The following MCTP1 variants were observed in gnomAD, a reference collection of about 807,000 sequenced individuals.
The protein encoded by MCTP1 is multiple C2 and transmembrane domain-containing protein 1.
Under a neutral mutation model 120.6 loss-of-function variants are expected in MCTP1, and 69 were observed. The ratio of observed to expected loss-of-function variants is 0.57; its 90% CI spans 0.47 to 0.70. MCTP1 has a LOEUF of 0.70. Among genes scored for constraint, MCTP1 ranks in the 30% least tolerant of loss-of-function variants. The probability of loss-of-function intolerance (pLI) is 0.00; values close to 1 mark genes in which losing one functional copy is unlikely to be tolerated. For missense variants in MCTP1, 1,203 were observed against 1,248.8 expected (o/e 0.96, Z 0.55); for synonymous variants, 529 against 493.1 (o/e 1.07, Z -0.96).
chr5:94,825,164 C>G (rs1786683928), intron 17 of MCTP1, among the ~76,000 whole-genome samples: 1 of 152,038 alleles, frequency 6.6e-6, no homozygotes, highest in South Asian at 2.1e-4. Context: ...CCATTTTCTC[C>G]TGTGGGCATT....
At chr5:95,012,359 C>T (rs1836174524) in intron 2 of MCTP1, among the ~76,000 whole-genome samples, 1 of 152,094 alleles carries the variant, frequency 6.6e-6, no homozygotes, top group African/African-American at 2.4e-5. Context: ...AATCAATAAT[C>T]ATGGCCTGGA....
intron 12 of MCTP1, among the ~76,000 whole-genome samples, chr5:94,874,147 A>T (rs763507294): frequency 9.2e-5 from 14 of 152,104 alleles, no homozygotes; most frequent in Non-Finnish European, 1.9e-4. Flanking sequence ...AGCTGTCCAG[A>T]GGTCATATCT....
intron 5 of MCTP1, among the ~76,000 whole-genome samples, chr5:94,938,167 C>T (rs997896658): frequency 1.3e-5 from 2 of 152,002 alleles, no homozygotes; most frequent in Non-Finnish European, 2.9e-5. Flanking sequence ...TACAATGCAG[C>T]CACAGAGGTA....
intron 17 of MCTP1, among the ~76,000 whole-genome samples, chr5:94,866,839 T>C (rs1045210767): frequency 1.6e-5 from 2 of 122,088 alleles, no homozygotes; most frequent in African/African-American, 6.6e-5. Flanking sequence ...GTCAGAAGTT[T>C]ATGAAGACTT....
At chr5:95,242,507 G>T (rs1161179188) in intron 1 of MCTP1, among the ~76,000 whole-genome samples, 1 of 152,080 alleles carries the variant, frequency 6.6e-6, no homozygotes, top group East Asian at 1.9e-4. Flanking sequence ...TCCATTAACA[G>T]GTGAATGCAT....
At chr5:94,732,152 A>G (rs1763235334) in intron 19 of MCTP1, among the ~76,000 whole-genome samples, 1 of 152,224 alleles carries the variant, frequency 6.6e-6, no homozygotes, top group Non-Finnish European at 1.5e-5. Flanking sequence ...CAAAGGATTC[A>G]TTGACAGGCA....
At chr5:95,175,804 T>C (rs1562209705) in intron 1 of MCTP1, among the ~76,000 whole-genome samples, 1 of 152,198 alleles carries the variant, frequency 6.6e-6, no homozygotes, top group Non-Finnish European at 1.5e-5. Context: ...AGGATGTTGC[T>C]GGCCTCCAGC....
intron 1 of MCTP1, among the ~76,000 whole-genome samples, chr5:95,140,033 C>T (rs1429193215): frequency 1.3e-5 from 2 of 152,316 alleles, no homozygotes; most frequent in Non-Finnish European, 2.9e-5. Flanking sequence ...TCATCCAAAG[C>T]TAAACCCACT....
At chr5:94,953,998 A>G (rs536344986) in intron 2 of MCTP1, among the ~76,000 whole-genome samples, 14 of 57,068 alleles carry the variant, frequency 2.5e-4, no homozygotes, top group East Asian at 6.4e-4. Context: ...AAATATATAT[A>G]TGCATATATA....
At position 95,084,677 on chromosome 5, in the gene MCTP1, G is replaced by T. The variant is rs150120651; in HGVS notation, c.721-67193C>A. 2.3e-3 allele frequency among the ~76,000 whole-genome samples: 355 copies of T among 152,150 alleles called. 1 individual carries two copies. The highest frequency in any genetic ancestry group is 0.01 in the East Asian group (53 of 5,184). On this transcript the variant is annotated intron_variant, in intron 1 of 22. Coordinates refer to ENST00000515393, the MANE Select transcript of MCTP1 (RefSeq NM_024717.7). ...TTTACATTAATTTAGTCTTGGATCA[G>T]AGTAAACAAACTTGTTTATTAACAT...
At chr5:94,760,670 C>G (rs1165119588) in intron 19 of MCTP1, among the ~76,000 whole-genome samples, 6 of 151,356 alleles carry the variant, frequency 4.0e-5, no homozygotes, top group Admixed American at 4.0e-4. Context: ...ACTGAGCTAC[C>G]TACAGTTTCT....
At chr5:94,981,393 T>C (rs917862547) in intron 2 of MCTP1, among the ~76,000 whole-genome samples, 1 of 152,218 alleles carries the variant, frequency 6.6e-6, no homozygotes, top group Non-Finnish European at 1.5e-5. Flanking sequence ...AGATTTGTGC[T>C]AGCTCTCAGA....
chr5:95,181,247 G>A (rs1748563080), intron 1 of MCTP1, among the ~76,000 whole-genome samples: 2 of 152,054 alleles, frequency 1.3e-5, no homozygotes, highest in Non-Finnish European at 2.9e-5. Context: ...AGCCTACAAG[G>A]GCTCCTGTGA....
At chr5:94,753,856 A>G (rs934846072) in intron 19 of MCTP1, among the ~76,000 whole-genome samples, 5 of 152,178 alleles carry the variant, frequency 3.3e-5, no homozygotes, top group Admixed American at 2.6e-4. Flanking sequence ...TTGCCAGTGC[A>G]TGGGGTGGAA....
intron 18 of MCTP1, among the ~76,000 whole-genome samples, chr5:94,785,695 C>T (rs952379174): frequency 5.9e-5 from 9 of 152,112 alleles, no homozygotes; most frequent in African/African-American, 2.2e-4. Flanking sequence ...AGAACCTCAA[C>T]TTTGTAACAA....
At position 94,930,624 on chromosome 5, in the gene MCTP1, T is replaced by G. The variant is rs560670326; in HGVS notation, c.1212+1329A>C. On this transcript the variant is annotated intron_variant, in intron 6 of 22. Transcript: ENST00000515393. ...TATACAATAGAATGGATTATTCCCA[T>G]TAATTAATACTAAGTATTATATAAT... 6 of 151,290 alleles carry G rather than the reference T, an allele frequency of 4.0e-5. No homozygotes were observed. The South Asian group carries it at 1.3e-3, about 32-fold the overall frequency. The allele number at this position is 151,290 out of a possible 1,614,324, so 9.4% of individuals were successfully genotyped here. A position where few individuals can be genotyped will look rare whatever the true frequency, so the allele number is the denominator to read the frequency against.
intron 17 of MCTP1, among the ~76,000 whole-genome samples, chr5:94,812,019 G>T (rs1252068151): frequency 1.3e-5 from 2 of 152,024 alleles, no homozygotes; most frequent in Admixed American, 1.3e-4. Context: ...TGAGCCACAC[G>T]GTACTGATGT....
In MCTP1 at chr5:94,745,337, A is replaced by G. The variant is rs186367129; in HGVS notation, c.2611-30451T>C. Among the ~76,000 whole-genome samples, 822 of 152,330 alleles carry G rather than the reference A, an allele frequency of 5.4e-3. 6 individuals carry two copies. The highest frequency in any genetic ancestry group is 0.018 in the African/African-American group (748 of 41,572). Reference sequence around the variant, plus strand: ...TGGTGCAAGATGTGAGGAGGGATAAAGGAGCTGCACTGGCTTTCCTGTTCT... The same window carrying G: ...TGGTGCAAGATGTGAGGAGGGATAAGGGAGCTGCACTGGCTTTCCTGTTCT... On this transcript the variant is annotated intron_variant, in intron 19 of 22. Transcript: ENST00000515393.
At position 94,918,952 on chromosome 5, in the gene MCTP1, A is replaced by G. The variant is rs80205632; in HGVS notation, c.1273-979T>C. 2.3e-3 allele frequency among the ~76,000 whole-genome samples: 354 copies of G among 152,336 alleles called. 1 individual carries two copies. The highest frequency in any genetic ancestry group is 8.2e-3 in the African/African-American group (340 of 41,586). ...TGGCAAGGCTGAGATTTGAATCTAG[A>G]GTTGCTGAGACCTAATCAATGATTT... On this transcript the variant is annotated intron_variant, in intron 7 of 22. Coordinates refer to ENST00000515393, the MANE Select transcript of MCTP1 (RefSeq NM_024717.7).
Sources: gnomAD v4.1 joint callset for allele counts (sites outside exome capture counted in the v4.1 genomes callset) on GRCh38, gnomAD v4.1.1 for gene constraint, MANE v1.5 for transcripts, NCBI Gene and HGNC (gene_info 2026-07-23, HGNC 2026-07-21) for gene names.